The following ATP6V1H variants were observed in gnomAD, a reference collection of about 807,000 sequenced individuals.
The protein encoded by ATP6V1H is V-type proton ATPase subunit H.
A neutral mutation model predicts 71.7 loss-of-function variants in ATP6V1H; 39 were observed. The ratio of observed to expected loss-of-function variants is 0.54; its 90% CI spans 0.42 to 0.71. ATP6V1H has a LOEUF of 0.71. ATP6V1H is among the 30% of genes least tolerant of loss of function. The pLI, the probability that ATP6V1H is intolerant of heterozygous loss-of-function variation, is 0.00. For missense variants in ATP6V1H, 509 were observed against 594.9 expected, an observed-to-expected ratio of 0.86 and a Z score of 1.50; for synonymous variants, 192 against 199.3, an observed-to-expected ratio of 0.96 and a Z score of 0.31.
chr8:53,728,094 G>T lies in ATP6V1H; in HGVS notation c.1392-12070C>A, dbSNP rs1806881491. On this transcript the variant is annotated intron_variant, in intron 13 of 13. Coordinates refer to ENST00000359530, the MANE Select transcript of ATP6V1H (RefSeq NM_015941.4). Reference sequence around the variant, plus strand: ...GTTTCCTTGCCTTTGAACTTGCCACGCAGCAGGCAGGGTGACGTCAAACAC... The same window carrying T: ...GTTTCCTTGCCTTTGAACTTGCCACTCAGCAGGCAGGGTGACGTCAAACAC... Among the ~76,000 whole-genome samples, 3 of 152,142 alleles carry T rather than the reference G, an allele frequency of 2.0e-5. No homozygotes were observed. The South Asian group carries it at 6.2e-4, about 32-fold the overall frequency.
At position 53,840,235 on chromosome 8, in the gene ATP6V1H, C is replaced by T. The variant is rs7001321; in HGVS notation, c.113+1343G>A. 4.7e-3 allele frequency among the ~76,000 whole-genome samples: 722 copies of T among 152,282 alleles called. 4 individuals are homozygous for T. Among genetic ancestry groups the T allele is most frequent in the African/African-American group, 0.017 (687 of 41,548 alleles). Reference sequence around the variant, plus strand: ...AATTAGAGCCGGGCACGGTGGCTCACGCCTGTAATCCCAGCACTTTGGGAG... The same window carrying T: ...AATTAGAGCCGGGCACGGTGGCTCATGCCTGTAATCCCAGCACTTTGGGAG... On this transcript the variant is annotated intron_variant, in intron 2 of 13. Coordinates refer to ENST00000359530, the MANE Select transcript of ATP6V1H (RefSeq NM_015941.4).
At chr8:53,762,083 T>C (rs748963033) in intron 11 of ATP6V1H, among the ~76,000 whole-genome samples, 4 of 152,204 alleles carry the variant, frequency 2.6e-5, no homozygotes, top group Non-Finnish European at 4.4e-5. Flanking sequence ...ATGTGGTTTG[T>C]TTTAAAGTTA....
At chr8:53,838,185 GTGCAACCTCGGCTCAC>G (rs1429589263) in intron 2 of ATP6V1H, among the ~76,000 whole-genome samples, 29 of 151,810 alleles carry the variant, frequency 1.9e-4, no homozygotes, top group Admixed American at 1.8e-3. Flanking sequence ...GAGTGCAGTG[GTGCAACCTCGGCTCAC>G]TGCAACCTCC....
intron 9 of ATP6V1H, among the ~76,000 whole-genome samples, chr8:53,794,986 C>T (rs1259930793): frequency 1.3e-5 from 2 of 152,146 alleles, no homozygotes; most frequent in Non-Finnish European, 2.9e-5. Context: ...ATTACTTCAA[C>T]CAAGCCATCC....
intron 9 of ATP6V1H, among the ~76,000 whole-genome samples, chr8:53,790,551 G>C (rs1809534691): frequency 6.6e-6 from 1 of 152,164 alleles, no homozygotes; most frequent in Non-Finnish European, 1.5e-5. Flanking sequence ...TAGGAGAGAT[G>C]ATATTACTCT....
chr8:53,784,772 G>T (rs1809307365), intron 9 of ATP6V1H, among the ~76,000 whole-genome samples: 2 of 152,134 alleles, frequency 1.3e-5, no homozygotes, highest in African/African-American at 2.4e-5. Flanking sequence ...GTCTGTAAAT[G>T]ATTTTATTTC....
intron 11 of ATP6V1H, among the ~76,000 whole-genome samples, chr8:53,767,631 T>C (rs372908774): frequency 6.6e-6 from 1 of 152,190 alleles, no homozygotes; most frequent in East Asian, 1.9e-4. Flanking sequence ...ACAGTAATCT[T>C]ACTGACCAAC....
chr8:53,812,236 A>AG (rs1810298171), intron 6 of ATP6V1H, among the ~76,000 whole-genome samples: 2 of 152,172 alleles, frequency 1.3e-5, no homozygotes, highest in Admixed American at 6.5e-5. Flanking sequence ...GGTACCCTGA[A>AG]GAGTTCCCCT....
chr8:53,774,747 T>C (rs1233090912), intron 9 of ATP6V1H, among the ~76,000 whole-genome samples: 1 of 151,532 alleles, frequency 6.6e-6, no homozygotes, highest in South Asian at 2.1e-4. Flanking sequence ...CTTTTACATA[T>C]GGCTCTCCTC....
At chr8:53,763,957 T>G (rs569311516) in intron 11 of ATP6V1H, among the ~76,000 whole-genome samples, 1 of 152,354 alleles carries the variant, frequency 6.6e-6, no homozygotes, top group African/African-American at 2.4e-5. Context: ...TTATGGAAGT[T>G]AGGTGGCCTT....
intron 7 of ATP6V1H, among the ~76,000 whole-genome samples, chr8:53,809,230 G>A (rs1190390090): frequency 1.3e-5 from 2 of 152,174 alleles, no homozygotes; most frequent in Admixed American, 6.5e-5. Context: ...AACAGGGAGT[G>A]TAAATATTCA....
chr8:53,769,045 A>T (rs981794799), intron 11 of ATP6V1H, among the ~76,000 whole-genome samples: 1 of 152,168 alleles, frequency 6.6e-6, no homozygotes, highest in Admixed American at 6.5e-5. Context: ...GTTCAATTAG[A>T]TATCTATGGA....
At chr8:53,736,513 T>A (rs567604031) in intron 13 of ATP6V1H, among the ~76,000 whole-genome samples, 1 of 152,346 alleles carries the variant, frequency 6.6e-6, no homozygotes, top group East Asian at 1.9e-4. Flanking sequence ...CCCATCTACA[T>A]GCTCAATCAA....
chr8:53,823,004 T>C (rs1160356676), intron 4 of ATP6V1H, among the ~76,000 whole-genome samples: 2 of 151,732 alleles, frequency 1.3e-5, no homozygotes, highest in African/African-American at 2.4e-5. Context: ...CAAAAGATAT[T>C]AGAAAAGTAA....
chr8:53,775,370 T>TGCCAATGCTGGCTCGGGCA (rs1808835191), intron 9 of ATP6V1H, among the ~76,000 whole-genome samples: 2 of 152,342 alleles, frequency 1.3e-5, no homozygotes, highest in South Asian at 4.1e-4. Context: ...CGGAGCGGGT[T>TGCCAATGCTGGCTCGGGCA]GCCAATGCTG....
intron 9 of ATP6V1H, among the ~76,000 whole-genome samples, chr8:53,775,507 T>C (rs1025839541): frequency 6.6e-6 from 1 of 152,042 alleles, no homozygotes; most frequent in Non-Finnish European, 1.5e-5. Context: ...CATACAAAGG[T>C]TCTCCACGTC....
intron 12 of ATP6V1H, among the ~76,000 whole-genome samples, chr8:53,753,712 G>A (rs935479735): frequency 2.6e-4 from 39 of 152,010 alleles, no homozygotes; most frequent in Non-Finnish European, 1.5e-4. Context: ...ATGAGTTATA[G>A]ACCTTGACTA....
At chr8:53,785,698 A>C (rs1056694191) in intron 9 of ATP6V1H, among the ~76,000 whole-genome samples, 6 of 152,078 alleles carry the variant, frequency 3.9e-5, no homozygotes, top group Non-Finnish European at 5.9e-5. Flanking sequence ...GATGATGGTG[A>C]CATACAGATG....
intron 9 of ATP6V1H, among the ~76,000 whole-genome samples, chr8:53,786,731 A>T (rs1490093307): frequency 6.6e-6 from 1 of 152,246 alleles, no homozygotes; most frequent in Non-Finnish European, 1.5e-5. Context: ...CAAAAGCAAA[A>T]GTGACAAATC....
Sources: gnomAD v4.1 joint callset for allele counts (sites outside exome capture counted in the v4.1 genomes callset) on GRCh38, gnomAD v4.1.1 for gene constraint, MANE v1.5 for transcripts, NCBI Gene and HGNC (gene_info 2026-07-23, HGNC 2026-07-21) for gene names.